HFE: variants seen among roughly 807,000 people sequenced by gnomAD.
HFE encodes homeostatic iron regulator.
In HFE, 36 loss-of-function variants were observed where a neutral mutation model predicts 40.9. The ratio of observed to expected loss-of-function variants is 0.88; its 90% confidence interval spans 0.67 to 1.16. The LOEUF (loss-of-function observed/expected upper bound fraction) is 1.16, where lower values mean the gene tolerates loss of function less well. HFE is among the 50% of genes most tolerant of loss of function. The probability of loss-of-function intolerance (pLI) is 0.00; values close to 1 mark genes in which losing one functional copy is unlikely to be tolerated. For synonymous variants in HFE, 157 were observed against 165.4 expected (o/e 0.95, Z 0.39); for missense variants, 376 against 432.0 (o/e 0.87, Z 1.15).
Position 26,090,962 on chromosome 6 carries a change from C to T in HFE, c.198C>T (p.Arg66=). ...TCGTGTTCTATGATCATGAGAGTCG[C>T]CGTGTGGAGCCCCGAACTCCATGGG... ...QLFVFYDHES[R]RVEPRTPWVS... is the part of the protein sequence containing the mutation. Residue 66 remains arginine (R), a synonymous_variant, in exon 2 of 6, where the codon CGC becomes CGT. Transcript: ENST00000357618. 6.2e-7 allele frequency: 1 copy of T among 1,614,116 alleles called. No individual in the cohort carries two copies. Among genetic ancestry groups the T allele is most frequent in the Non-Finnish European group, 8.5e-7 (1 of 1,180,030 alleles).
Position 26,090,941 on chromosome 6 carries a change from G to A in HFE, c.177G>A (p.Val59=), listed in dbSNP as rs1762653195. 1.2e-6 allele frequency: 2 copies of A among 1,614,048 alleles called. No homozygotes were observed. The highest frequency in any genetic ancestry group is 1.7e-6 in the Non-Finnish European group (2 of 1,180,038). The change falls in exon 2 of 6, where the codon GTG becomes GTA. Residue 59 remains valine, a synonymous_variant. Transcript: ENST00000357618. ...GCTACGTGGATGACCAGCTGTTCGT[G>A]TTCTATGATCATGAGAGTCGCCGTG... The part of the protein sequence containing the change: ...ALGYVDDQLF[V]FYDHESRRVE...
intron 1 of HFE, among the ~76,000 whole-genome samples, chr6:26,089,078 T>A: frequency 1.6e-5 from 2 of 128,778 alleles, no homozygotes; most frequent in Admixed American, 8.2e-5. Flanking sequence ...AAAAAGCGGG[T>A]TTTCTCAGCA....
intron 1 of HFE, among the ~76,000 whole-genome samples, chr6:26,090,498 G>A (rs1200517408): frequency 6.7e-6 from 1 of 148,198 alleles, no homozygotes; most frequent in Non-Finnish European, 1.5e-5. Context: ...TCAGGATTTG[G>A]GTCTAATTTG....
Position 26,094,641 on chromosome 6 carries a change from A to G in HFE, c.*415A>G. ...GAACCCTGGGACGTGGCTAGTCATA[A>G]CCTTACCAGATTTTTACACATGTAT... On this transcript the variant is annotated 3_prime_UTR_variant, in exon 6 of 6. Coordinates refer to ENST00000357618, the MANE Select transcript of HFE (RefSeq NM_000410.4). The G allele has an allele frequency of 1.7e-6, 1 of 594,804 alleles. No individual in the cohort carries two copies. Among genetic ancestry groups the G allele is most frequent in the Non-Finnish European group, 3.0e-6 (1 of 334,576 alleles). The allele number at this position is 594,804 out of a possible 1,614,324, so 36.8% of individuals were successfully genotyped here.
chr6:26,091,566 G>C lies in HFE; in HGVS notation c.593G>C (p.Gly198Ala), dbSNP rs1762710531. The C allele has an allele frequency of 6.2e-7, 1 of 1,613,322 alleles. No homozygotes were observed. The highest frequency in any genetic ancestry group is 8.5e-7 in the Non-Finnish European group (1 of 1,179,896). Residue 198 changes from glycine (G) to alanine (A), a missense_variant, in exon 3 of 6, where the codon GGG becomes GCG. Physicochemically the swap from Gly to Ala is moderately conservative, Grantham distance 60. Coordinates refer to ENST00000357618, the MANE Select transcript of HFE (RefSeq NM_000410.4). ...CAGCTGCAGCAGTTGCTGGAGCTGG[G>C]GAGAGGTGTTTTGGACCAACAAGGT... is the stretch of plus-strand genomic sequence containing the variant. Reference protein sequence around the residue: ...PAQLQQLLELGRGVLDQQVPP... With the variant: ...PAQLQQLLELARGVLDQQVPP...
In HFE at chr6:26,095,714, T is replaced by A. The variant is rs1373075829; in HGVS notation, c.*1488T>A. The A allele has an allele frequency of 1.3e-5, 2 of 152,146 alleles. No individual in the cohort carries two copies. Among genetic ancestry groups the A allele is most frequent in the South Asian group, 2.1e-4 (1 of 4,832 alleles). The allele number at this position is 152,146 out of a possible 1,614,324, so 9.4% of individuals were successfully genotyped here. A position where few individuals can be genotyped will look rare whatever the true frequency, so the allele number is the denominator to read the frequency against. ...TGTGTTTCTTCTGAGTGAGCTTGAA[T>A]CACATGAAGGGGAACAGCAGAAAAC... On this transcript the variant is annotated 3_prime_UTR_variant, in exon 6 of 6. Transcript: ENST00000357618.
intron 3 of HFE, among the ~76,000 whole-genome samples, chr6:26,091,907 G>C (rs754988740): frequency 1.3e-5 from 2 of 151,940 alleles, no homozygotes; most frequent in Admixed American, 1.3e-4. Context: ...GGCCGGGCAC[G>C]GTGGCTCACC....
At position 26,089,112 on chromosome 6, in the gene HFE, G is replaced by T. The variant is rs56275179; in HGVS notation, c.76+1596G>T. On this transcript the variant is annotated intron_variant, in intron 1 of 5. Coordinates refer to ENST00000357618, the MANE Select transcript of HFE (RefSeq NM_000410.4). ...CACTACTCATGTGTGTGTGTGTGGG[G>T]GGGGGGGGCGGCGTGGGGGTGGGAA... is the stretch of plus-strand genomic sequence containing the variant. Among the ~76,000 whole-genome samples, 20 of 138,682 alleles carry T rather than the reference G, an allele frequency of 1.4e-4. No individual in the cohort carries two copies. The East Asian group carries it at 1.8e-3, about 12-fold the overall frequency. 91.0% of individuals were successfully genotyped at this position (138,682 alleles called of 152,430 possible).
rs1185161657 is a variant in HFE at position 26,096,504 on chromosome 6, C to A, written c.*2278C>A. On this transcript the variant is annotated 3_prime_UTR_variant, in exon 6 of 6. Transcript: ENST00000357618. ...TTATGTTACTACATGCACTTGGCTG[C>A]ATAAATGTGGTACAAGCATTCTGTC... 1 of 456,484 alleles carries A rather than the reference C, an allele frequency of 2.2e-6. No homozygotes were observed. Among genetic ancestry groups the A allele is most frequent in the Non-Finnish European group, 4.4e-6 (1 of 226,806 alleles). 28.3% of individuals were successfully genotyped at this position (456,484 alleles called of 1,614,324 possible).
Position 26,094,422 on chromosome 6 carries a change from GC to G in HFE, c.*198del. 1 of 708,510 alleles carries G rather than the reference GC, an allele frequency of 1.4e-6. No individual in the cohort carries two copies. Among genetic ancestry groups the G allele is most frequent in the Non-Finnish European group, 2.6e-6 (1 of 389,430 alleles). 43.9% of individuals were successfully genotyped at this position (708,510 alleles called of 1,614,324 possible). A position where few individuals can be genotyped will look rare whatever the true frequency, so the allele number is the denominator to read the frequency against. On this transcript the variant is annotated 3_prime_UTR_variant, in exon 6 of 6. Coordinates refer to ENST00000357618, the MANE Select transcript of HFE (RefSeq NM_000410.4). ...CATTTAGGTTTCTGAGTTCCTGCAT[GC>G]CGGTGATCCCTAGCTGTGACCTCTC...
At chr6:26,092,640 G>A in intron 3 of HFE, 45 bp from the exon 4 acceptor site, 1 of 1,614,078 alleles carries the variant, frequency 6.2e-7, no homozygotes, top group Non-Finnish European at 8.5e-7. Context: ...TTCCTGGCAA[G>A]GGTAAACAGA....
At position 26,091,412 on chromosome 6, in the gene HFE, G is replaced by T; in HGVS notation, c.439G>T (p.Glu147Ter). Reference protein sequence around the residue: ...KYGYDGQDHLEFCPDTLDWRA... With the variant: ...KYGYDGQDHL ...CGGGTATGATGGGCAGGACCACCTTGAATTCTGCCCTGACACACTGGATTG... is the reference window on the plus strand; with the variant it reads ...CGGGTATGATGGGCAGGACCACCTTTAATTCTGCCCTGACACACTGGATTG... The change falls in exon 3 of 6, where the codon GAA becomes TAA. Residue 147 changes from glutamate (E) to a stop codon, truncating the protein, a stop_gained. Coordinates refer to ENST00000357618, the MANE Select transcript of HFE (RefSeq NM_000410.4). LOFTEE classifies it high-confidence loss of function. 6.2e-7 allele frequency: 1 copy of T among 1,614,172 alleles called. No homozygotes were observed. The highest frequency in any genetic ancestry group is 1.1e-5 in the South Asian group (1 of 91,090).
At chr6:26,090,074 G>A (rs969741049) in intron 1 of HFE, among the ~76,000 whole-genome samples, 5 of 152,192 alleles carry the variant, frequency 3.3e-5, no homozygotes, top group African/African-American at 1.2e-4. Flanking sequence ...TCAAGGATCT[G>A]CATTTGGACA....
Position 26,098,211 on chromosome 6 carries a change from T to A in HFE, c.*3985T>A, listed in dbSNP as rs1763107063. ...CTTGATATGCATGCATTCTGGTATC[T>A]CAAGCATTCTATTTCTGAGTAATTG... On this transcript the variant is annotated 3_prime_UTR_variant, in exon 6 of 6. Coordinates refer to ENST00000357618, the MANE Select transcript of HFE (RefSeq NM_000410.4). 1 of 152,230 alleles carries A rather than the reference T, an allele frequency of 6.6e-6. No homozygotes were observed. The highest frequency in any genetic ancestry group is 1.5e-5 in the Non-Finnish European group (1 of 68,032). 9.4% of individuals were successfully genotyped at this position (152,230 alleles called of 1,614,324 possible). A position where few individuals can be genotyped will look rare whatever the true frequency, so the allele number is the denominator to read the frequency against.
At chr6:26,088,706 T>A (rs1762458028) in intron 1 of HFE, among the ~76,000 whole-genome samples, 1 of 152,204 alleles carries the variant, frequency 6.6e-6, no homozygotes, top group Non-Finnish European at 1.5e-5. Context: ...ATAGCTATGA[T>A]TCTTAAACAT....
chr6:26,096,472 GTTTAC>G lies in HFE; in HGVS notation c.*2251_*2255del, dbSNP rs1439014111. On this transcript the variant is annotated 3_prime_UTR_variant, in exon 6 of 6. Transcript: ENST00000357618. ...TAATATATATATCCAGATGGCATGT[GTTTAC>G]TTTATGTTACTACATGCACTTGGCT... is the stretch of plus-strand genomic sequence containing the variant. 2.2e-6 allele frequency: 1 copy of G among 456,248 alleles called. No homozygotes were observed. Among genetic ancestry groups the G allele is most frequent in the Non-Finnish European group, 4.4e-6 (1 of 226,800 alleles). 28.3% of individuals were successfully genotyped at this position (456,248 alleles called of 1,614,324 possible).
chr6:26,093,835 G>C (rs865847270), intron 5 of HFE, among the ~76,000 whole-genome samples: 2 of 152,132 alleles, frequency 1.3e-5, no homozygotes, highest in African/African-American at 4.8e-5. Context: ...TCTACCCCCT[G>C]AACATCTGTG....
chr6:26,096,749 A>T lies in HFE; in HGVS notation c.*2523A>T, dbSNP rs749276259. On this transcript the variant is annotated 3_prime_UTR_variant, in exon 6 of 6. Coordinates refer to ENST00000357618, the MANE Select transcript of HFE (RefSeq NM_000410.4). The stretch of plus-strand genomic sequence containing the variant: ...TTATTTAATTAGCCAGTGAAAAACT[A>T]TTAACAACTTGTCTATTACCTGTTA... 155 of 371,106 alleles carry T rather than the reference A, an allele frequency of 4.2e-4. No individual in the cohort carries two copies. The highest frequency in any genetic ancestry group is 2.1e-3 in the Admixed American group (58 of 27,054). 23.0% of individuals were successfully genotyped at this position (371,106 alleles called of 1,614,324 possible).
At chr6:26,089,729 C>G (rs1351053675) in intron 1 of HFE, among the ~76,000 whole-genome samples, 1 of 152,090 alleles carries the variant, frequency 6.6e-6, no homozygotes, top group African/African-American at 2.4e-5. Context: ...GAGTTCAAGA[C>G]CAGCCTGGGC....
Sources: allele counts gnomAD v4.1 joint callset (sites outside exome capture counted in the v4.1 genomes callset), GRCh38; gene constraint gnomAD v4.1.1; transcripts MANE v1.5; gene names NCBI Gene and HGNC (gene_info 2026-07-23, HGNC 2026-07-21).